Variants in SCNN1D observed in about 807,000 individuals in gnomAD.
The protein encoded by SCNN1D is epithelial sodium channel subunit delta.
SCNN1D carries 104 observed loss-of-function variants against 87.8 expected under a neutral mutation model. The observed-to-expected ratio is 1.18, with a 90% CI of 1.01 to 1.39. The LOEUF (loss-of-function observed/expected upper bound fraction) is 1.39, where lower values mean the gene tolerates loss of function less well. Ranked by LOEUF, SCNN1D falls within the 40% of genes most tolerant of loss-of-function variation. SCNN1D has a pLI of 0.00. For missense variants in SCNN1D, 1,324 were observed against 1,093.9 expected, an observed-to-expected ratio of 1.21 and a Z score of -2.97; for synonymous variants, 628 against 481.2, an observed-to-expected ratio of 1.31 and a Z score of -3.99.
rs1340015568 is a variant in SCNN1D, at chr1:1,286,270, C to G, written c.903C>G (p.Asn301Lys). The stretch of plus-strand genomic sequence containing the variant: ...CGCTGGTCACCCTGTGTGACGGGAA[C>G]CCACGTCGGTGAGGGCCAGGGCTGT... The part of the protein sequence containing the change: ...LLPLVTLCDG[N>K]PRRPSPVLRH... Residue 301 changes from asparagine to lysine, a missense_variant, in exon 7 of 18, where the codon AAC (asparagine) becomes AAG (lysine). Transcript: ENST00000379116. 1 of 1,580,190 alleles carries G rather than the reference C, an allele frequency of 6.3e-7. No individual in the cohort carries two copies. Among genetic ancestry groups the G allele is most frequent in the South Asian group, 1.1e-5 (1 of 88,954 alleles).
At chr1:1,281,910 G>A (rs1279039038) in intron 3 of SCNN1D, 3 of 563,804 alleles carry the variant, frequency 5.3e-6, no homozygotes, top group South Asian at 2.2e-5. Flanking sequence ...ACACAGGGAG[G>A]CACAGGCTGC....
In SCNN1D at chr1:1,290,517, C is replaced by G; in HGVS notation, c.1821C>G (p.His607Gln). The G allele has an allele frequency of 6.2e-7, 1 of 1,612,720 alleles. No individual in the cohort carries two copies. The highest frequency in any genetic ancestry group is 8.5e-7 in the Non-Finnish European group (1 of 1,179,928). ...GCCTCTACCAGGACCTGGAGACCCA[C>G]CGGCTCCCCTGTACCTCCCGCTGCC... ...FYRLYQDLET[H>Q]RLPCTSRCPR... Residue 607 changes from histidine (H) to glutamine (Q), a missense_variant, in exon 14 of 18, where the codon CAC becomes CAG. Coordinates refer to ENST00000379116, the MANE Select transcript of SCNN1D (RefSeq NM_001130413.4).
chr1:1,285,172 C>A (rs1036539906), intron 5 of SCNN1D, among the ~76,000 whole-genome samples: 1 of 152,204 alleles, frequency 6.6e-6, no homozygotes, highest in Non-Finnish European at 1.5e-5. Context: ...CCCCAGGCCC[C>A]GAAGCTTCTG....
chr1:1,290,851 G>A (rs13306638), intron 15 of SCNN1D, 44 bp from the exon 16 acceptor site: 33,503 of 1,603,044 alleles, frequency 0.021, 1,400 homozygotes, highest in African/African-American at 0.12. Context: ...AGGATGGCCG[G>A]GGGCATGGGG....
At chr1:1,283,702 AAAAG>A (rs1028444614) in intron 4 of SCNN1D, among the ~76,000 whole-genome samples, 58 of 151,928 alleles carry the variant, frequency 3.8e-4, no homozygotes, top group South Asian at 1.0e-3. Context: ...CCATCTCAAG[AAAAG>A]AAAGAAAGAA....
rs901219611 is a variant in SCNN1D at position 1,281,709 on chromosome 1, C to T, written c.277+99C>T. ...CAGCCGAGATGTGCTCTGACTGAGG[C>T]CCTGCAGGGCATACGGGTCATGGAA... On this transcript the variant is annotated intron_variant, in intron 3 of 17. Coordinates refer to ENST00000379116, the MANE Select transcript of SCNN1D (RefSeq NM_001130413.4). The T allele has an allele frequency of 1.3e-5, 14 of 1,101,332 alleles. No homozygotes were observed. The East Asian group carries it at 3.3e-4, about 26-fold the overall frequency. The allele number at this position is 1,101,332 out of a possible 1,614,324, so 68.2% of individuals were successfully genotyped here.
chr1:1,291,441 G>A lies in SCNN1D; in HGVS notation c.2240G>A (p.Ser747Asn). ...PRASPASGAS[S>N]IKPEASQMPP... ...GCCAGCCCTGCCTCAGGGGCGTCCA[G>A]CATCAAGCCAGAGGCCAGTCAGATG... is the stretch of plus-strand genomic sequence containing the variant. The change falls in exon 18 of 18, where the codon AGC becomes AAC. Residue 747 changes from serine to asparagine, a missense_variant. Ser to Asn is a conservative substitution (Grantham distance 46, BLOSUM62 1). Coordinates refer to ENST00000379116, the MANE Select transcript of SCNN1D (RefSeq NM_001130413.4). 2 of 1,607,632 alleles carry A rather than the reference G, an allele frequency of 1.2e-6. No individual in the cohort carries two copies. The highest frequency in any genetic ancestry group is 1.7e-6 in the Non-Finnish European group (2 of 1,177,368).
chr1:1,286,283 G>C lies in SCNN1D; in HGVS notation c.911+5G>C. 1 of 1,566,212 alleles carries C rather than the reference G, an allele frequency of 6.4e-7. No individual in the cohort carries two copies. Among genetic ancestry groups the C allele is most frequent in the Non-Finnish European group, 8.6e-7 (1 of 1,158,828 alleles). On this transcript the variant is annotated splice_donor_5th_base_variant and intron_variant, in intron 7 of 17. Transcript: ENST00000379116. Reference sequence around the variant, plus strand: ...GTGTGACGGGAACCCACGTCGGTGAGGGCCAGGGCTGTCGGCGGGAGGGGT... The same window carrying C: ...GTGTGACGGGAACCCACGTCGGTGACGGCCAGGGCTGTCGGCGGGAGGGGT...
At position 1,281,317 on chromosome 1, in the gene SCNN1D, C is replaced by T. The variant is rs1012716840; in HGVS notation, c.77+20C>T. On this transcript the variant is annotated intron_variant, in intron 2 of 17. Coordinates refer to ENST00000379116, the MANE Select transcript of SCNN1D (RefSeq NM_001130413.4). ...AAGGAGGTGAGCTCACAGCCATGCTCGGTCAATGGGGCCTGGCCGTCTTTC... is the reference window on the plus strand; with the variant it reads ...AAGGAGGTGAGCTCACAGCCATGCTTGGTCAATGGGGCCTGGCCGTCTTTC... The T allele has an allele frequency of 1.4e-5, 21 of 1,535,554 alleles. No individual in the cohort carries two copies. The African/African-American group carries it at 2.2e-4, about 16-fold the overall frequency.
At chr1:1,286,405 C>T (rs886966858) in intron 7 of SCNN1D, 127 bp downstream of exon 7, 2 of 783,990 alleles carry the variant, frequency 2.6e-6, no homozygotes, top group African/African-American at 1.7e-5. Context: ...ATGCCACCCT[C>T]CTGGTCACTG....
Position 1,281,413 on chromosome 1 carries a change from T to A in SCNN1D, c.80T>A (p.Leu27His). 1 of 1,521,982 alleles carries A rather than the reference T, an allele frequency of 6.6e-7. No individual in the cohort carries two copies. The allele number at this position is 1,521,982 out of a possible 1,614,324, so 94.3% of individuals were successfully genotyped here. ...TGCCCGTCCCTTCTCTCATTCAGGC[T>A]CACCTGGTCATGGTGCAGTGACCAC... ...WPGHLSGPRR[L>H]TWSWCSDHRT... The change falls in exon 3 of 18, where the codon CTC (leucine) becomes CAC (histidine). Residue 27 changes from leucine (L) to histidine (H), a missense_variant and splice_region_variant. Leu to His is a moderately conservative substitution (Grantham distance 99). Transcript: ENST00000379116.
chr1:1,290,904 C>G lies in SCNN1D; in HGVS notation c.1927C>G (p.Leu643Val). The G allele has an allele frequency of 1.2e-6, 2 of 1,610,086 alleles. No individual in the cohort carries two copies. The highest frequency in any genetic ancestry group is 1.7e-6 in the Non-Finnish European group (2 of 1,178,932). Residue 643 changes from leucine (L) to valine (V), a missense_variant, in exon 16 of 18, where the codon CTG becomes GTG. By Grantham distance (32) the Leu-to-Val change is conservative. Transcript: ENST00000379116. ...AACCTTCCGTCTGCAGGGATGGACT[C>G]TGGCCACGCTAGGTGAACAGGGGCT... Reference protein sequence around the residue: ...WPSAKSAGWTLATLGEQGLPH... With the variant: ...WPSAKSAGWTVATLGEQGLPH...
intron 3 of SCNN1D, 138 bp downstream of exon 3, chr1:1,281,748 C>T (rs1640475688): frequency 1.3e-6 from 1 of 788,860 alleles, no homozygotes; most frequent in Non-Finnish European, 2.0e-6. Flanking sequence ...GTGCTCTGCC[C>T]CCGGCCAGGG....
intron 7 of SCNN1D, among the ~76,000 whole-genome samples, chr1:1,286,513 G>C (rs1023131624): frequency 6.6e-6 from 1 of 152,128 alleles, no homozygotes; most frequent in African/African-American, 2.4e-5. Flanking sequence ...CAGGGCCCTC[G>C]GGAGCCTGGG....
In SCNN1D at chr1:1,291,053, A is replaced by G. The variant is rs371374747; in HGVS notation, c.1977-12A>G. 2.7e-5 allele frequency: 43 copies of G among 1,609,826 alleles called. No homozygotes were observed. In the African/African-American group the frequency reaches 4.7e-4, roughly 18 times the overall value. ...TCTGGGCCAGCGCCCTCATGCCTCTATCCTGCCCCAGGAGCAGCCTGGCCA... is the reference window on the plus strand; with the variant it reads ...TCTGGGCCAGCGCCCTCATGCCTCTGTCCTGCCCCAGGAGCAGCCTGGCCA... On this transcript the variant is annotated splice_polypyrimidine_tract_variant and intron_variant, in intron 16 of 17. Coordinates refer to ENST00000379116, the MANE Select transcript of SCNN1D (RefSeq NM_001130413.4).
At position 1,287,683 on chromosome 1, in the gene SCNN1D, G is replaced by C. The variant is rs1214471374; in HGVS notation, c.1410G>C (p.Leu470=). Residue 470 remains leucine (L), a synonymous_variant, in exon 11 of 18, where the codon CTG becomes CTC. Coordinates refer to ENST00000379116, the MANE Select transcript of SCNN1D (RefSeq NM_001130413.4). ...QRPGITHGVG[L]VLRVEQQPHL... is the part of the protein sequence containing the mutation. ...CCCTTGGCCTCCCAGGAGTCGGCCT[G>C]GTCCTCAGGGTTGAGCAGCAGCCTC... is the stretch of plus-strand genomic sequence containing the variant. 26 of 1,611,578 alleles carry C rather than the reference G, an allele frequency of 1.6e-5. No individual in the cohort carries two copies. Among genetic ancestry groups the C allele is most frequent in the East Asian group, 1.1e-4 (5 of 44,844 alleles).
At chr1:1,283,367 C>T (rs567867806) in intron 4 of SCNN1D, among the ~76,000 whole-genome samples, 11 of 152,230 alleles carry the variant, frequency 7.2e-5, no homozygotes, top group South Asian at 6.2e-4. Flanking sequence ...GAGCCCACCA[C>T]GGCCCCGGAT....
At position 1,286,842 on chromosome 1, in the gene SCNN1D, T is replaced by G; in HGVS notation, c.986T>G (p.Val329Gly). Residue 329 changes from valine to glycine, a missense_variant, in exon 8 of 18, where the codon GTC becomes GGC. Physicochemically the swap from Val to Gly is moderately radical, Grantham distance 109 (BLOSUM62 -3). Transcript: ENST00000379116. ...GAGAACATTGACTCCCTGTACAACG[T>G]CAACCTCAGCAAAGGCAGAGCCGCC... is the stretch of plus-strand genomic sequence containing the variant. ...ARENIDSLYN[V>G]NLSKGRAALS... 1 of 1,612,658 alleles carries G rather than the reference T, an allele frequency of 6.2e-7. No homozygotes were observed. The highest frequency in any genetic ancestry group is 8.5e-7 in the Non-Finnish European group (1 of 1,179,918).
Position 1,286,881 on chromosome 1 carries a change from T to TC in SCNN1D, c.1030dup (p.Arg344ProfsTer132), listed in dbSNP as rs754201452. 6.2e-6 allele frequency: 10 copies of TC among 1,611,620 alleles called. No homozygotes were observed. The highest frequency in any genetic ancestry group is 4.0e-5 in the African/African-American group (3 of 74,668). On this transcript the variant is annotated frameshift_variant, in exon 8 of 18. Transcript: ENST00000379116. LOFTEE classifies it high-confidence loss of function. Reference sequence around the variant, plus strand: ...GGCAGAGCCGCCCTCTCCGCCACTGTCCCCCGCCACGAGCCCCCCTTCCAC... The same window carrying TC: ...GGCAGAGCCGCCCTCTCCGCCACTGTCCCCCCGCCACGAGCCCCCCTTCCAC...
Sources: gnomAD v4.1 joint callset for allele counts (sites outside exome capture counted in the v4.1 genomes callset) on GRCh38, gnomAD v4.1.1 for gene constraint, MANE v1.5 for transcripts, NCBI Gene and HGNC (gene_info 2026-07-23, HGNC 2026-07-21) for gene names.